Variants in SH3RF3 observed in about 807,000 individuals in gnomAD.
SH3RF3 encodes the protein SH3 domain containing ring finger 3, also known as E3 ubiquitin-protein ligase SH3RF3.
A neutral mutation model predicts 66.3 loss-of-function variants in SH3RF3; 29 were observed. The observed-to-expected ratio is 0.44, with a 90% CI of 0.33 to 0.60. SH3RF3 has a LOEUF of 0.60. Ranked by LOEUF, SH3RF3 falls within the 20% of genes least tolerant of loss-of-function variation. SH3RF3 has a pLI of 0.04. For synonymous variants in SH3RF3, 583 were observed against 532.0 expected, an observed-to-expected ratio of 1.10 and a Z score of -1.32; for missense variants, 1,194 against 1,190.9, an observed-to-expected ratio of 1.00 and a Z score of -0.04.
rs768730435 is a variant in SH3RF3 at position 109,398,924 on chromosome 2, C to T, written c.1280C>T (p.Ser427Leu). The T allele has an allele frequency of 2.8e-5, 45 of 1,612,330 alleles. No homozygotes were observed. The highest frequency in any genetic ancestry group is 9.3e-5 in the African/African-American group (7 of 74,908). Residue 427 changes from serine to leucine, a missense_variant, in exon 4 of 10, where the codon TCG becomes TTG. By Grantham distance (145) the Ser-to-Leu change is moderately radical (BLOSUM62 -2). Coordinates refer to ENST00000309415, the MANE Select transcript of SH3RF3 (RefSeq NM_001099289.3). ...AGGATTGGAGACCTTGCTCATCTGT[C>T]GTGCGCTGCTCCCACCCAGGTAACA... ...AARIGDLAHL[S>L]CAAPTQDVSS...
At chr2:109,495,903 G>A (rs925307615) in intron 9 of SH3RF3, among the ~76,000 whole-genome samples, 9 of 146,532 alleles carry the variant, frequency 6.1e-5, no homozygotes, top group Non-Finnish European at 1.2e-4. Context: ...AAAAGTATGA[G>A]TGCACACTAA....
At chr2:109,366,736 C>G (rs1683157930) in intron 2 of SH3RF3, among the ~76,000 whole-genome samples, 1 of 152,172 alleles carries the variant, frequency 6.6e-6, no homozygotes, top group South Asian at 2.1e-4. Context: ...GCCTGTGGTC[C>G]CAGCTACTCA....
intron 1 of SH3RF3, among the ~76,000 whole-genome samples, chr2:109,322,218 TCAC>T (rs1682042952): frequency 6.6e-6 from 1 of 152,162 alleles, no homozygotes; most frequent in Non-Finnish European, 1.5e-5. Context: ...CCCCGAATAA[TCAC>T]CACTCCTTCT....
Position 109,216,556 on chromosome 2 carries a change from A to T in SH3RF3, c.573+86443A>T, listed in dbSNP as rs530785385. The stretch of plus-strand genomic sequence containing the variant: ...CTGTGATACAGAAAGTCAGCAGAGA[A>T]CACACAGCCCGAAGCCTGAGGTGGG... On this transcript the variant is annotated intron_variant, in intron 1 of 9. Coordinates refer to ENST00000309415, the MANE Select transcript of SH3RF3 (RefSeq NM_001099289.3). 7.9e-5 allele frequency among the ~76,000 whole-genome samples: 12 copies of T among 152,278 alleles called. 1 individual carries two copies. The highest frequency in any genetic ancestry group is 6.5e-4 in the Admixed American group (10 of 15,298).
At chr2:109,483,785 AG>A (rs1678894207) in intron 8 of SH3RF3, among the ~76,000 whole-genome samples, 1 of 152,038 alleles carries the variant, frequency 6.6e-6, no homozygotes, top group Admixed American at 6.6e-5. Flanking sequence ...TCCCCTCCCC[AG>A]GCTGCAGGCG....
chr2:109,178,949 C>T (rs569921758), intron 1 of SH3RF3, among the ~76,000 whole-genome samples: 39 of 147,142 alleles, frequency 2.7e-4, no homozygotes, highest in African/African-American at 7.5e-4. Flanking sequence ...ATTAACTTTT[C>T]GTGTTTGTGT....
chr2:109,475,040 C>T (rs529160494), intron 8 of SH3RF3, among the ~76,000 whole-genome samples: 7 of 152,184 alleles, frequency 4.6e-5, no homozygotes, highest in African/African-American at 9.6e-5. Flanking sequence ...TGCAGTGGTG[C>T]GATCTCTGCT....
intron 8 of SH3RF3, among the ~76,000 whole-genome samples, chr2:109,456,488 G>A (rs1678062627): frequency 6.6e-6 from 1 of 152,240 alleles, no homozygotes; most frequent in Non-Finnish European, 1.5e-5. Flanking sequence ...CTTTCTCTAA[G>A]TTAGGAATGT....
chr2:109,251,843 C>T (rs930677306), intron 1 of SH3RF3, among the ~76,000 whole-genome samples: 2 of 152,100 alleles, frequency 1.3e-5, no homozygotes, highest in African/African-American at 4.8e-5. Context: ...TTTCTAATCC[C>T]TTTAAAGTAC....
intron 2 of SH3RF3, among the ~76,000 whole-genome samples, chr2:109,349,027 C>G (rs1682783455): frequency 6.6e-6 from 1 of 152,168 alleles, no homozygotes; most frequent in African/African-American, 2.4e-5. Context: ...ATTTCTCTCT[C>G]TCTCTCTCTC....
intron 1 of SH3RF3, among the ~76,000 whole-genome samples, chr2:109,140,591 C>T (rs1233100725): frequency 6.6e-6 from 1 of 152,108 alleles, no homozygotes; most frequent in Non-Finnish European, 1.5e-5. Context: ...CCATGTTAAC[C>T]AGGATGGTCT....
intron 9 of SH3RF3, among the ~76,000 whole-genome samples, chr2:109,497,526 T>C (rs1002047623): frequency 7.2e-5 from 11 of 152,262 alleles, no homozygotes; most frequent in Admixed American, 7.2e-4. Context: ...ACCTTAATTA[T>C]ACTCAGCAGG....
intron 1 of SH3RF3, among the ~76,000 whole-genome samples, chr2:109,177,107 A>G (rs1677934358): frequency 6.6e-6 from 1 of 152,184 alleles, no homozygotes; most frequent in African/African-American, 2.4e-5. Context: ...TTACTGGGAA[A>G]GTCACTCGTG....
At chr2:109,491,026 C>A in intron 9 of SH3RF3, 90 bp downstream of exon 9, 1 of 1,264,556 alleles carries the variant, frequency 7.9e-7, no homozygotes, top group Non-Finnish European at 1.0e-6. Flanking sequence ...ACACTGTGGC[C>A]TTGCTGGGAT....
intron 8 of SH3RF3, among the ~76,000 whole-genome samples, chr2:109,490,208 A>C (rs1008575586): frequency 6.6e-6 from 1 of 152,234 alleles, no homozygotes; most frequent in African/African-American, 2.4e-5. Context: ...TGTAGGCACC[A>C]GCCTTGGAAA....
chr2:109,284,609 G>A (rs191929007), intron 1 of SH3RF3, among the ~76,000 whole-genome samples: 2 of 152,332 alleles, frequency 1.3e-5, no homozygotes, highest in African/African-American at 4.8e-5. Flanking sequence ...GCATAGAGTG[G>A]CATCTAGAAG....
intron 5 of SH3RF3, among the ~76,000 whole-genome samples, chr2:109,422,896 CAT>C (rs1676920099): frequency 1.3e-5 from 2 of 152,128 alleles, no homozygotes. Flanking sequence ...GATGTCCTGT[CAT>C]CACCTACAGC....
intron 2 of SH3RF3, among the ~76,000 whole-genome samples, chr2:109,356,460 C>A (rs1682945770): frequency 6.6e-6 from 1 of 152,230 alleles, no homozygotes; most frequent in Admixed American, 6.5e-5. Context: ...CGACACTCGA[C>A]ATGCTTGGGT....
At chr2:109,189,881 G>A (rs1255566055) in intron 1 of SH3RF3, among the ~76,000 whole-genome samples, 1 of 152,152 alleles carries the variant, frequency 6.6e-6, no homozygotes, top group Non-Finnish European at 1.5e-5. Flanking sequence ...GTTGGCATAA[G>A]GTTGGAGCGA....
Sources: gnomAD v4.1 joint callset for allele counts (sites outside exome capture counted in the v4.1 genomes callset) on GRCh38, gnomAD v4.1.1 for gene constraint, MANE v1.5 for transcripts, NCBI Gene and HGNC (gene_info 2026-07-23, HGNC 2026-07-21) for gene names.